The following RGS6 variants were observed in gnomAD, a reference collection of about 807,000 sequenced individuals.
RGS6 encodes regulator of G-protein signaling 6.
RGS6 carries 30 observed loss-of-function variants against 78.5 expected under a neutral mutation model. The observed-to-expected ratio is 0.38, with a 90% CI of 0.29 to 0.52. RGS6 has a LOEUF of 0.52. Among genes scored for constraint, RGS6 ranks in the 20% least tolerant of loss-of-function variants. RGS6 has a pLI of 0.85. For synonymous variants in RGS6, 206 were observed against 206.0 expected (o/e 1.00, Z 0.00); for missense variants, 495 against 609.7 (o/e 0.81, Z 1.98).
chr14:72,562,970 T>G lies in RGS6; in HGVS notation c.*503T>G. On this transcript the variant is annotated 3_prime_UTR_variant, in exon 18 of 18. Coordinates refer to ENST00000553525, the MANE Select transcript of RGS6 (RefSeq NM_001204424.2). ...CATCCCCACCGCCGCCTGTCATCCC[T>G]CACGTCTCTGTGGCCACCCGGGTGT... 1 of 602,350 alleles carries G rather than the reference T, an allele frequency of 1.7e-6. No homozygotes were observed. The highest frequency in any genetic ancestry group is 2.8e-5 in the East Asian group (1 of 35,682). The allele number at this position is 602,350 out of a possible 1,614,324, so 37.3% of individuals were successfully genotyped here.
intron 2 of RGS6, among the ~76,000 whole-genome samples, chr14:72,061,690 A>T (rs1284419163): frequency 6.6e-6 from 1 of 152,152 alleles, no homozygotes; most frequent in Non-Finnish European, 1.5e-5. Context: ...ACCAATTATG[A>T]GTTATCTTTT....
At chr14:72,005,043 A>T (rs1446825402) in intron 2 of RGS6, among the ~76,000 whole-genome samples, 1 of 152,180 alleles carries the variant, frequency 6.6e-6, no homozygotes, top group Non-Finnish European at 1.5e-5. Flanking sequence ...AGTATGTAAA[A>T]ATGTGTGCAT....
chr14:72,078,500 G>A (rs541921961), intron 2 of RGS6, among the ~76,000 whole-genome samples: 11 of 151,820 alleles, frequency 7.2e-5, no homozygotes, highest in South Asian at 2.1e-4. Flanking sequence ...TGCAACCTCC[G>A]CCTCCCAGGT....
At chr14:72,592,787 A>G in the RGS6 span, among the ~76,000 whole-genome samples, 1 of 152,244 alleles carries the variant, frequency 6.6e-6, no homozygotes, top group Admixed American at 6.5e-5. Flanking sequence ...GGATGGACAC[A>G]GTGGACTGGC....
chr14:72,627,856 C>T, the RGS6 span, among the ~76,000 whole-genome samples: 5 of 152,122 alleles, frequency 3.3e-5, no homozygotes, highest in South Asian at 1.0e-3. Flanking sequence ...AGGTTTTGCA[C>T]ATTTGTTGTT....
At chr14:72,347,519 T>C (rs1428263089) in intron 2 of RGS6, among the ~76,000 whole-genome samples, 1 of 152,250 alleles carries the variant, frequency 6.6e-6, no homozygotes, top group Non-Finnish European at 1.5e-5. Flanking sequence ...AAAAGGTTGT[T>C]GGCAGGCTTT....
chr14:72,363,061 A>G (rs1254312057), intron 3 of RGS6, among the ~76,000 whole-genome samples: 2 of 152,242 alleles, frequency 1.3e-5, no homozygotes, highest in African/African-American at 2.4e-5. Context: ...AGAGGAGCAT[A>G]TTGGCAGAAC....
At chr14:72,334,275 G>A (rs1486044483) in intron 2 of RGS6, among the ~76,000 whole-genome samples, 5 of 152,226 alleles carry the variant, frequency 3.3e-5, no homozygotes, top group African/African-American at 1.2e-4. Context: ...TTATCTGGAG[G>A]GCAACTGGCC....
intron 2 of RGS6, among the ~76,000 whole-genome samples, chr14:72,194,486 C>T (rs1289969690): frequency 6.6e-6 from 1 of 152,032 alleles, no homozygotes; most frequent in Non-Finnish European, 1.5e-5. Flanking sequence ...ATCCTCTGGC[C>T]CCAGCCTCCC....
the RGS6 span, among the ~76,000 whole-genome samples, chr14:72,590,346 AC>A: frequency 4.1e-4 from 62 of 152,392 alleles, no homozygotes; most frequent in African/African-American, 1.3e-3. Flanking sequence ...AATAGGCATC[AC>A]AGCTTTATTC....
intron 3 of RGS6, among the ~76,000 whole-genome samples, chr14:72,378,463 A>C (rs1041608016): frequency 5.9e-5 from 9 of 152,210 alleles, no homozygotes; most frequent in African/African-American, 2.2e-4. Context: ...CTTTAGCTAC[A>C]CAATGAAAAA....
intron 2 of RGS6, among the ~76,000 whole-genome samples, chr14:72,176,940 C>A (rs1416846084): frequency 1.3e-5 from 2 of 152,144 alleles, no homozygotes; most frequent in Non-Finnish European, 2.9e-5. Context: ...TGACTTCCAT[C>A]AATTAATCAA....
intron 2 of RGS6, among the ~76,000 whole-genome samples, chr14:71,975,721 T>C (rs2094083086): frequency 6.6e-6 from 1 of 152,184 alleles, no homozygotes; most frequent in African/African-American, 2.4e-5. Flanking sequence ...CCTCCCAAAG[T>C]GCTGGGATTA....
intron 2 of RGS6, among the ~76,000 whole-genome samples, chr14:72,188,276 T>G (rs902991053): frequency 6.6e-6 from 1 of 152,204 alleles, no homozygotes; most frequent in African/African-American, 2.4e-5. Flanking sequence ...ATTTATCAGT[T>G]GATGAAAATG....
chr14:71,955,129 G>A (rs897340714), intron 1 of RGS6, among the ~76,000 whole-genome samples: 1 of 152,138 alleles, frequency 6.6e-6, no homozygotes, highest in Non-Finnish European at 1.5e-5. Context: ...CCCCCCAAGG[G>A]TCCTTGTTTT....
At chr14:72,048,339 G>C (rs1197533710) in intron 2 of RGS6, among the ~76,000 whole-genome samples, 2 of 152,048 alleles carry the variant, frequency 1.3e-5, no homozygotes, top group Non-Finnish European at 2.9e-5. Context: ...ACTTCTCCAG[G>C]TATCAAAAGT....
intron 17 of RGS6, among the ~76,000 whole-genome samples, chr14:72,545,934 T>C (rs1167166664): frequency 6.6e-6 from 1 of 151,854 alleles, no homozygotes; most frequent in African/African-American, 2.4e-5. Context: ...TCAGGTGGGG[T>C]CAGCTGGGCA....
At chr14:72,541,506 A>G (rs1188941956) in intron 17 of RGS6, 3 of 1,535,698 alleles carry the variant, frequency 2.0e-6, no homozygotes, top group Middle Eastern at 1.7e-4. Flanking sequence ...TGCCTGGTCT[A>G]TCTTCATGGC....
intron 17 of RGS6, among the ~76,000 whole-genome samples, chr14:72,548,627 T>A (rs543149983): frequency 6.6e-6 from 1 of 152,026 alleles, no homozygotes; most frequent in African/African-American, 2.4e-5. Flanking sequence ...AACTTTAACA[T>A]CTAGAGACAA....
Sources: allele counts gnomAD v4.1 joint callset (sites outside exome capture counted in the v4.1 genomes callset), GRCh38; gene constraint gnomAD v4.1.1; transcripts MANE v1.5; gene names NCBI Gene and HGNC (gene_info 2026-07-23, HGNC 2026-07-21).